Variants in UNC5C observed in about 807,000 individuals in gnomAD.
UNC5C encodes the protein unc-5 netrin receptor C, also known as netrin receptor UNC5C.
A neutral mutation model predicts 99.8 loss-of-function variants in UNC5C; 47 were observed. The ratio of observed to expected loss-of-function variants is 0.47; its 90% CI spans 0.37 to 0.60. UNC5C has a LOEUF of 0.60. UNC5C is among the 20% of genes least tolerant of loss of function. UNC5C has a pLI of 0.00. For missense variants in UNC5C, 1,062 were observed against 1,165.9 expected (o/e 0.91, Z 1.30); for synonymous variants, 487 against 452.2 (o/e 1.08, Z -0.98).
At chr4:95,406,086 C>CA (rs1198372537) in intron 1 of UNC5C, among the ~76,000 whole-genome samples, 1 of 151,944 alleles carries the variant, frequency 6.6e-6, no homozygotes, top group Non-Finnish European at 1.5e-5. Context: ...GTGGCACTAG[C>CA]AAAAAATTGA....
At chr4:95,442,045 T>C (rs1746965354) in intron 1 of UNC5C, among the ~76,000 whole-genome samples, 1 of 152,234 alleles carries the variant, frequency 6.6e-6, no homozygotes, top group South Asian at 2.1e-4. Context: ...GCTTGTATAG[T>C]CTACTAGACA....
intron 7 of UNC5C, among the ~76,000 whole-genome samples, chr4:95,222,851 C>A (rs1044254845): frequency 6.6e-6 from 1 of 151,876 alleles, no homozygotes; most frequent in Non-Finnish European, 1.5e-5. Context: ...AATAGGAGTT[C>A]GATAGGTTTT....
At chr4:95,532,469 C>T (rs971684113) in intron 1 of UNC5C, among the ~76,000 whole-genome samples, 2 of 146,296 alleles carry the variant, frequency 1.4e-5, no homozygotes, top group African/African-American at 5.3e-5. Context: ...AAAAAAATCC[C>T]GATTACATTC....
intron 1 of UNC5C, among the ~76,000 whole-genome samples, chr4:95,474,893 C>T (rs1748088942): frequency 6.6e-6 from 1 of 152,080 alleles, no homozygotes; most frequent in Non-Finnish European, 1.5e-5. Flanking sequence ...CTTCTGACTT[C>T]TAACACCACA....
intron 14 of UNC5C, among the ~76,000 whole-genome samples, chr4:95,175,346 C>G (rs1440182346): frequency 2.6e-4 from 39 of 152,048 alleles, no homozygotes; most frequent in African/African-American, 9.2e-4. Flanking sequence ...TCTCAATGGT[C>G]TTTACATTTT....
At chr4:95,445,238 C>A (rs1454412923) in intron 1 of UNC5C, among the ~76,000 whole-genome samples, 1 of 152,114 alleles carries the variant, frequency 6.6e-6, no homozygotes, top group Non-Finnish European at 1.5e-5. Context: ...TCCCTACTTG[C>A]AACTATACAT....
intron 1 of UNC5C, among the ~76,000 whole-genome samples, chr4:95,492,305 C>T (rs141354649): frequency 0.011 from 1,722 of 151,206 alleles, 90 homozygotes; most frequent in Admixed American, 0.099. Context: ...ATGCTACTTC[C>T]GCCATTTATT....
rs537551173 is a variant in UNC5C at position 95,531,068 on chromosome 4, T to C, written c.124+17666A>G. ...TTTCTGAAAGTGGAGTCCAGCCTTG[T>C]TTTAGACTTCATAATTTAATAGTAT... On this transcript the variant is annotated intron_variant, in intron 1 of 15. Transcript: ENST00000453304. Among the ~76,000 whole-genome samples, 7 of 152,296 alleles carry C rather than the reference T, an allele frequency of 4.6e-5. No individual in the cohort carries two copies. In the South Asian group the frequency reaches 1.5e-3, roughly 32 times the overall value.
intron 1 of UNC5C, among the ~76,000 whole-genome samples, chr4:95,434,388 C>G (rs974658188): frequency 6.6e-6 from 1 of 152,000 alleles, no homozygotes; most frequent in Non-Finnish European, 1.5e-5. Flanking sequence ...CTGTACCCGA[C>G]AATGAAACAG....
chr4:95,374,796 C>A (rs1200650753), intron 1 of UNC5C, among the ~76,000 whole-genome samples: 1 of 151,652 alleles, frequency 6.6e-6, no homozygotes, highest in Non-Finnish European at 1.5e-5. Context: ...CTCAAGAGGA[C>A]ATGAAAGAAG....
chr4:95,546,062 G>C (rs1398612223), intron 1 of UNC5C, among the ~76,000 whole-genome samples: 1 of 152,176 alleles, frequency 6.6e-6, no homozygotes, highest in Admixed American at 6.5e-5. Flanking sequence ...TATCTCTGAA[G>C]ATATATATAC....
chr4:95,532,528 C>T (rs1042969952), intron 1 of UNC5C, among the ~76,000 whole-genome samples: 5 of 151,386 alleles, frequency 3.3e-5, no homozygotes, highest in African/African-American at 9.7e-5. Context: ...CCAGAATCAA[C>T]TCATCAATTC....
At chr4:95,349,153 T>C (rs540661576) in intron 1 of UNC5C, among the ~76,000 whole-genome samples, 12 of 151,302 alleles carry the variant, frequency 7.9e-5, no homozygotes, top group African/African-American at 2.7e-4. Flanking sequence ...AAATAGAGGA[T>C]GAATGCTCGA....
At chr4:95,195,095 C>T (rs890846161) in intron 12 of UNC5C, among the ~76,000 whole-genome samples, 6 of 152,182 alleles carry the variant, frequency 3.9e-5, no homozygotes, top group African/African-American at 1.2e-4. Flanking sequence ...CTTCAAAATG[C>T]CACTGAAGTC....
rs377382906 is a variant in UNC5C, at chr4:95,197,476, C to G, written c.2136+5255G>C. ...GTCAGGAATTGGATTAAAGCACAAA[C>G]AAGGAAGCAGAGATCCTTTTCATCA... is the stretch of plus-strand genomic sequence containing the variant. On this transcript the variant is annotated intron_variant, in intron 12 of 15. Transcript: ENST00000453304. 9.2e-5 allele frequency among the ~76,000 whole-genome samples: 14 copies of G among 152,118 alleles called. 1 individual carries two copies. In the East Asian group the frequency reaches 2.7e-3, roughly 29 times the overall value.
At chr4:95,494,372 C>A (rs772554090) in intron 1 of UNC5C, among the ~76,000 whole-genome samples, 70 of 151,536 alleles carry the variant, frequency 4.6e-4, no homozygotes, top group Non-Finnish European at 8.0e-4. Flanking sequence ...GATTTCAGAA[C>A]CTTTAAAAAA....
At chr4:95,196,141 C>T (rs952200216) in intron 12 of UNC5C, among the ~76,000 whole-genome samples, 6 of 152,144 alleles carry the variant, frequency 3.9e-5, no homozygotes, top group African/African-American at 1.4e-4. Flanking sequence ...GTATGTTTCT[C>T]CTAGGTGTTT....
At chr4:95,266,601 T>C (rs1740456796) in intron 4 of UNC5C, among the ~76,000 whole-genome samples, 1 of 152,188 alleles carries the variant, frequency 6.6e-6, no homozygotes, top group Non-Finnish European at 1.5e-5. Flanking sequence ...TATTTTATAA[T>C]AGTCAGAACC....
chr4:95,398,114 C>A (rs1309591788), intron 1 of UNC5C, among the ~76,000 whole-genome samples: 2 of 136,142 alleles, frequency 1.5e-5, no homozygotes, highest in African/African-American at 2.8e-5. Flanking sequence ...TCCCAAAGTA[C>A]AGGAAGAAAA....
Sources: gnomAD v4.1 joint callset for allele counts (sites outside exome capture counted in the v4.1 genomes callset) on GRCh38, gnomAD v4.1.1 for gene constraint, MANE v1.5 for transcripts, NCBI Gene and HGNC (gene_info 2026-07-23, HGNC 2026-07-21) for gene names.